The following DCDC2C variants were observed in gnomAD, a reference collection of about 807,000 sequenced individuals.
The protein encoded by DCDC2C is doublecortin domain-containing protein 2C.
DCDC2C carries 44 observed loss-of-function variants against 45.0 expected under a neutral mutation model. The ratio of observed to expected loss-of-function variants is 0.98; its 90% confidence interval spans 0.77 to 1.26. DCDC2C has a LOEUF of 1.26. Ranked by LOEUF, DCDC2C falls within the 50% of genes most tolerant of loss-of-function variation. The probability of loss-of-function intolerance (pLI) is 0.00; values close to 1 mark genes in which losing one functional copy is unlikely to be tolerated. For synonymous variants in DCDC2C, 187 were observed against 178.8 expected (o/e 1.05, Z -0.37); for missense variants, 447 against 468.9 (o/e 0.95, Z 0.43).
chr2:3,805,663 T>A (rs1050509212), intron 10 of DCDC2C, among the ~76,000 whole-genome samples: 1 of 152,208 alleles, frequency 6.6e-6, no homozygotes, highest in African/African-American at 2.4e-5. Context: ...AAATACGTTT[T>A]TAGTGTTTAA....
In DCDC2C at chr2:3,847,181, T is replaced by G. The variant is rs535176506; in HGVS notation, c.1093T>G (p.Ter365GluextTer54). ...KMAREWKPVD[*>E] Reference sequence around the variant, plus strand: ...GGCCCGGGAGTGGAAACCTGTAGATTAACAAAACCACCTTTATTATTACCT... The same window carrying G: ...GGCCCGGGAGTGGAAACCTGTAGATGAACAAAACCACCTTTATTATTACCT... Residue 365 changes from the stop codon to glutamate (E), a stop_lost, in exon 11 of 11, where the codon TAA becomes GAA. Coordinates refer to ENST00000399143, the MANE Select transcript of DCDC2C (RefSeq NM_001287444.2). The G allele has an allele frequency of 1.6e-6, 2 of 1,231,652 alleles. No homozygotes were observed. Among genetic ancestry groups the G allele is most frequent in the South Asian group, 8.2e-5 (2 of 24,320 alleles). The allele number at this position is 1,231,652 out of a possible 1,614,324, so 76.3% of individuals were successfully genotyped here.
intron 1 of DCDC2C, among the ~76,000 whole-genome samples, chr2:3,706,381 C>G (rs913418246): frequency 6.6e-6 from 1 of 152,112 alleles, no homozygotes; most frequent in Admixed American, 6.5e-5. Context: ...ATTTGAGACC[C>G]AAAGGACATA....
chr2:3,786,745 G>A (rs1316576558), intron 10 of DCDC2C, among the ~76,000 whole-genome samples: 1 of 152,272 alleles, frequency 6.6e-6, no homozygotes, highest in African/African-American at 2.4e-5. Flanking sequence ...TGTGCAGGCA[G>A]CCTTGTGGCT....
chr2:3,751,487 G>T (rs1324748648), intron 4 of DCDC2C, among the ~76,000 whole-genome samples: 1 of 152,216 alleles, frequency 6.6e-6, no homozygotes, highest in Non-Finnish European at 1.5e-5. Context: ...TCAGGCAGCA[G>T]CTCTCGGGAT....
At chr2:3,741,361 A>C (rs1041233309) in intron 3 of DCDC2C, among the ~76,000 whole-genome samples, 2 of 152,226 alleles carry the variant, frequency 1.3e-5, no homozygotes, top group African/African-American at 2.4e-5. Flanking sequence ...TTTACCCATT[A>C]TAGTAGTGGG....
intron 8 of DCDC2C, among the ~76,000 whole-genome samples, chr2:3,774,998 C>T (rs1301813036): frequency 3.3e-5 from 5 of 151,980 alleles, no homozygotes; most frequent in Admixed American, 2.6e-4. Flanking sequence ...CTCTGGACCT[C>T]AGGTGATTCA....
At chr2:3,746,990 A>C (rs1264617528) in intron 4 of DCDC2C, among the ~76,000 whole-genome samples, 1 of 152,104 alleles carries the variant, frequency 6.6e-6, no homozygotes, top group African/African-American at 2.4e-5. Context: ...CCCTGAGGGA[A>C]GCAGGGCCTG....
At chr2:3,709,755 G>T (rs1668158862) in intron 2 of DCDC2C, among the ~76,000 whole-genome samples, 1 of 152,182 alleles carries the variant, frequency 6.6e-6, no homozygotes, top group South Asian at 2.1e-4. Flanking sequence ...TCACCCTTGA[G>T]AATATTTGTT....
At chr2:3,744,240 G>C (rs1669296735) in intron 4 of DCDC2C, among the ~76,000 whole-genome samples, 1 of 152,238 alleles carries the variant, frequency 6.6e-6, no homozygotes, top group Non-Finnish European at 1.5e-5. Context: ...GGTGAGAGCA[G>C]AGAGGGACAG....
intron 10 of DCDC2C, among the ~76,000 whole-genome samples, chr2:3,822,238 T>C (rs1671708001): frequency 6.6e-6 from 1 of 152,246 alleles, no homozygotes. Context: ...TGAAGCCATT[T>C]GTGCTTAGCT....
intron 10 of DCDC2C, among the ~76,000 whole-genome samples, chr2:3,845,988 C>A (rs1672317986): frequency 6.6e-6 from 1 of 152,216 alleles, no homozygotes; most frequent in Admixed American, 6.5e-5. Context: ...GAATTCCCAA[C>A]AGACATTCTA....
intron 5 of DCDC2C, among the ~76,000 whole-genome samples, 174 bp from the exon 6 acceptor site, chr2:3,754,418 G>A (rs918153064): frequency 3.9e-5 from 6 of 152,308 alleles, no homozygotes; most frequent in East Asian, 1.9e-4. Flanking sequence ...TTCCTGGGGC[G>A]TTTTCTGCTC....
intron 10 of DCDC2C, among the ~76,000 whole-genome samples, chr2:3,825,410 G>A (rs1671789771): frequency 6.6e-6 from 1 of 152,190 alleles, no homozygotes; most frequent in African/African-American, 2.4e-5. Flanking sequence ...TGGTTGCCTT[G>A]TGACCTGAAC....
At chr2:3,724,053 T>C (rs993132714) in intron 2 of DCDC2C, among the ~76,000 whole-genome samples, 1 of 152,188 alleles carries the variant, frequency 6.6e-6, no homozygotes, top group Non-Finnish European at 1.5e-5. Context: ...AGGTATTGCA[T>C]TGTGCCTTTT....
In DCDC2C at chr2:3,754,073, C is replaced by G. The variant is rs544303227; in HGVS notation, c.684-519C>G. Among the ~76,000 whole-genome samples the G allele has an allele frequency of 2.6e-5, 4 of 152,270 alleles. No individual in the cohort carries two copies. The South Asian group carries it at 8.3e-4, about 32-fold the overall frequency. ...GTTTTGCTTTTTGCCATTATCTGTT[C>G]ATTGGGAAGCCCTGACCAGGTCTGA... On this transcript the variant is annotated intron_variant, in intron 5 of 10. Transcript: ENST00000399143.
chr2:3,703,822 G>C lies in DCDC2C; in HGVS notation c.71G>C (p.Gly24Ala). ...PAKTIVVYRN[G>A]DPFYVGKKFV... ...AAGACCATCGTGGTGTACCGCAACG[G>C]GGACCCGTTCTACGTGGGCAAGAAG... The change falls in exon 1 of 11, where the codon GGG becomes GCG. Residue 24 changes from glycine to alanine, a missense_variant. Physicochemically the swap from Gly to Ala is moderately conservative, Grantham distance 60. Transcript: ENST00000399143. This position sits in a 1 kb window ranked among gnomAD's most constrained non-coding sequence, Gnocchi z 4.4. 7.9e-7 allele frequency: 1 copy of C among 1,264,584 alleles called. No homozygotes were observed. Among genetic ancestry groups the C allele is most frequent in the Non-Finnish European group, 1.0e-6 (1 of 1,000,848 alleles). The allele number at this position is 1,264,584 out of a possible 1,614,324, so 78.3% of individuals were successfully genotyped here.
chr2:3,776,510 A>G (rs568294810), intron 8 of DCDC2C, among the ~76,000 whole-genome samples: 13 of 152,288 alleles, frequency 8.5e-5, no homozygotes, highest in Non-Finnish European at 1.5e-4. Context: ...TTTCCTTGCA[A>G]TGCTGTCTTC....
chr2:3,763,952 T>C (rs1158974897), intron 6 of DCDC2C, among the ~76,000 whole-genome samples: 1 of 152,252 alleles, frequency 6.6e-6, no homozygotes. Context: ...TTGAGGATGC[T>C]ACTGCTCAGA....
At chr2:3,718,882 T>C (rs1668418813) in intron 2 of DCDC2C, among the ~76,000 whole-genome samples, 1 of 152,174 alleles carries the variant, frequency 6.6e-6, no homozygotes, top group Non-Finnish European at 1.5e-5. Context: ...ACTGGTGCAT[T>C]TTACAAGCCT....
Sources: gnomAD v4.1 joint callset for allele counts (sites outside exome capture counted in the v4.1 genomes callset) on GRCh38, gnomAD v4.1.1 for gene constraint, Gnocchi (gnomAD v3.1) non-coding constraint, MANE v1.5 for transcripts, NCBI Gene and HGNC (gene_info 2026-07-23, HGNC 2026-07-21) for gene names.